Variants in C1orf21 observed in about 807,000 individuals in gnomAD.
C1orf21 encodes chromosome 1 open reading frame 21.
In C1orf21, 3 loss-of-function variants were observed where a neutral mutation model predicts 18.7. The ratio of observed to expected loss-of-function variants is 0.16; its 90% CI spans 0.07 to 0.42. The LOEUF (loss-of-function observed/expected upper bound fraction) is 0.42. Ranked by LOEUF, C1orf21 falls within the 10% of genes least tolerant of loss-of-function variation. C1orf21 has a pLI of 0.99. For synonymous variants in C1orf21, 41 were observed against 46.4 expected, an observed-to-expected ratio of 0.88 and a Z score of 0.47; for missense variants, 104 against 143.6, an observed-to-expected ratio of 0.72 and a Z score of 1.41.
At chr1:184,498,081 C>T (rs1248098263) in intron 2 of C1orf21, among the ~76,000 whole-genome samples, 1 of 152,108 alleles carries the variant, frequency 6.6e-6, no homozygotes. Flanking sequence ...TTGCTCTTTC[C>T]GATGTCAATC....
intron 1 of C1orf21, among the ~76,000 whole-genome samples, chr1:184,411,851 T>C (rs889129180): frequency 6.6e-6 from 1 of 152,050 alleles, no homozygotes; most frequent in East Asian, 1.9e-4. Context: ...ACAAAACTTA[T>C]TTGATGCTCT....
At chr1:184,441,545 A>G (rs1656946865) in intron 1 of C1orf21, among the ~76,000 whole-genome samples, 1 of 152,188 alleles carries the variant, frequency 6.6e-6, no homozygotes, top group Non-Finnish European at 1.5e-5. Context: ...ATGTTGAGTG[A>G]TTATTATAAT....
intron 3 of C1orf21, chr1:184,567,152 G>A (rs1395387980): frequency 2.1e-5 from 10 of 474,372 alleles, no homozygotes; most frequent in Middle Eastern, 3.7e-4. Flanking sequence ...TCTTCATGAA[G>A]GTGGTTACTG....
intron 2 of C1orf21, among the ~76,000 whole-genome samples, chr1:184,498,632 A>G (rs1358479407): frequency 6.6e-6 from 1 of 152,200 alleles, no homozygotes; most frequent in African/African-American, 2.4e-5. Context: ...AGTTTCATTG[A>G]TTTCATATAC....
At chr1:184,498,394 C>G (rs184287123) in intron 2 of C1orf21, among the ~76,000 whole-genome samples, 4 of 152,296 alleles carry the variant, frequency 2.6e-5, no homozygotes, top group South Asian at 2.1e-4. Context: ...TGCGTTCTCT[C>G]TCTCTCTCTC....
chr1:184,506,838 T>C (rs1658069846), intron 2 of C1orf21, among the ~76,000 whole-genome samples: 1 of 152,180 alleles, frequency 6.6e-6, no homozygotes, highest in Non-Finnish European at 1.5e-5. Flanking sequence ...TCTGTCTGGC[T>C]GTTGCGGAGG....
intron 1 of C1orf21, among the ~76,000 whole-genome samples, chr1:184,413,619 C>T (rs1037194392): frequency 1.3e-5 from 2 of 152,100 alleles, no homozygotes; most frequent in African/African-American, 4.8e-5. Context: ...CCCAGGAACC[C>T]GAGGCATTGA....
intron 1 of C1orf21, among the ~76,000 whole-genome samples, chr1:184,427,752 C>T (rs989376321): frequency 2.0e-5 from 3 of 152,200 alleles, no homozygotes; most frequent in Non-Finnish European, 2.9e-5. Flanking sequence ...TTACATCTTA[C>T]CTTTTCCATC....
At chr1:184,545,055 G>A (rs2101979086) in intron 3 of C1orf21, among the ~76,000 whole-genome samples, 1 of 152,316 alleles carries the variant, frequency 6.6e-6, no homozygotes, top group South Asian at 2.1e-4. Flanking sequence ...TATTTCTGCT[G>A]TAGATTATTG....
intron 3 of C1orf21, among the ~76,000 whole-genome samples, chr1:184,507,995 GT>G (rs1002068518): frequency 6.6e-6 from 1 of 152,012 alleles, no homozygotes; most frequent in Non-Finnish European, 1.5e-5. Context: ...TTTTAGTTTT[GT>G]TTTTTTCTAC....
At chr1:184,549,375 G>T (rs1263281886) in intron 3 of C1orf21, among the ~76,000 whole-genome samples, 2 of 152,054 alleles carry the variant, frequency 1.3e-5, no homozygotes. Flanking sequence ...GAAATCACCC[G>T]AAATCTTCAA....
At chr1:184,496,976 G>A (rs1458598418) in intron 2 of C1orf21, among the ~76,000 whole-genome samples, 1 of 152,144 alleles carries the variant, frequency 6.6e-6, no homozygotes, top group Non-Finnish European at 1.5e-5. Flanking sequence ...TAGATGGAGG[G>A]TGAGGGTCCA....
At chr1:184,562,741 T>C (rs542784846) in intron 3 of C1orf21, among the ~76,000 whole-genome samples, 1 of 152,368 alleles carries the variant, frequency 6.6e-6, no homozygotes, top group South Asian at 2.1e-4. Flanking sequence ...TCTTTATTCA[T>C]TCAAAAAATT....
At chr1:184,451,501 C>T (rs1320804209) in intron 1 of C1orf21, among the ~76,000 whole-genome samples, 1 of 134,414 alleles carries the variant, frequency 7.4e-6, no homozygotes, top group Non-Finnish European at 1.5e-5. Flanking sequence ...GACAGGGTCT[C>T]ACTGTGTTGC....
intron 2 of C1orf21, among the ~76,000 whole-genome samples, chr1:184,503,909 A>G (rs1443641869): frequency 1.3e-5 from 2 of 152,154 alleles, no homozygotes; most frequent in Non-Finnish European, 2.9e-5. Flanking sequence ...ATAGATGTAC[A>G]TGTTCAAGGG....
intron 1 of C1orf21, among the ~76,000 whole-genome samples, chr1:184,442,394 G>A (rs1359054181): frequency 4.6e-5 from 7 of 152,036 alleles, no homozygotes; most frequent in Admixed American, 6.6e-5. Context: ...TGCACAATGC[G>A]GATAATATTT....
intron 3 of C1orf21, among the ~76,000 whole-genome samples, chr1:184,510,066 A>G (rs1044561153): frequency 6.6e-6 from 1 of 152,264 alleles, no homozygotes; most frequent in Non-Finnish European, 1.5e-5. Context: ...GTTAGGCATC[A>G]TCATACAAAA....
intron 5 of C1orf21, among the ~76,000 whole-genome samples, chr1:184,600,912 C>T (rs1206319493): frequency 6.6e-6 from 1 of 152,172 alleles, no homozygotes; most frequent in African/African-American, 2.4e-5. Context: ...AAATGCTCCT[C>T]CTTAATATAT....
At chr1:184,454,494 C>T (rs1029206840) in intron 1 of C1orf21, among the ~76,000 whole-genome samples, 1 of 152,186 alleles carries the variant, frequency 6.6e-6, no homozygotes, top group South Asian at 2.1e-4. Context: ...TTCTGTGTCC[C>T]CACCAAATCT....
Sources: allele counts gnomAD v4.1 joint callset (sites outside exome capture counted in the v4.1 genomes callset), GRCh38; gene constraint gnomAD v4.1.1; transcripts MANE v1.5; gene names NCBI Gene and HGNC (gene_info 2026-07-23, HGNC 2026-07-21).